The following SCAI variants were observed in gnomAD, a reference collection of about 807,000 sequenced individuals.
SCAI encodes the protein protein SCAI.
Under a neutral mutation model 92.2 loss-of-function variants are expected in SCAI, and 24 were observed. The observed-to-expected ratio is 0.26, with a 90% CI of 0.19 to 0.37. SCAI has a LOEUF of 0.37. Ranked by LOEUF, SCAI falls within the 10% of genes least tolerant of loss-of-function variation. SCAI has a pLI of 1.00. For synonymous variants in SCAI, 261 were observed against 258.6 expected, an observed-to-expected ratio of 1.01 and a Z score of -0.09; for missense variants, 450 against 736.2, an observed-to-expected ratio of 0.61 and a Z score of 4.50.
chr9:125,012,472 G>C (rs190278426), intron 9 of SCAI, among the ~76,000 whole-genome samples: 1 of 152,284 alleles, frequency 6.6e-6, no homozygotes, highest in East Asian at 1.9e-4. Flanking sequence ...GATTCAACAA[G>C]AGCTAACTAG....
chr9:125,094,291 A>T (rs1834501795), intron 2 of SCAI, among the ~76,000 whole-genome samples: 1 of 152,008 alleles, frequency 6.6e-6, no homozygotes, highest in South Asian at 2.1e-4. Flanking sequence ...ATTCTCATTC[A>T]TTCTAGCCAC....
At chr9:125,010,145 C>G (rs1309419493) in intron 9 of SCAI, among the ~76,000 whole-genome samples, 1 of 152,194 alleles carries the variant, frequency 6.6e-6, no homozygotes, top group Non-Finnish European at 1.5e-5. Flanking sequence ...ATCTGAGGTA[C>G]CGGGTTCATC....
intron 14 of SCAI, among the ~76,000 whole-genome samples, chr9:124,994,249 G>C (rs1017718947): frequency 3.3e-5 from 5 of 152,032 alleles, no homozygotes; most frequent in African/African-American, 1.2e-4. Context: ...TGGTTAGGCT[G>C]GTCTCGAACT....
intron 4 of SCAI, among the ~76,000 whole-genome samples, 189 bp from the exon 5 acceptor site, chr9:125,028,667 A>G (rs1051018685): frequency 1.3e-5 from 2 of 148,958 alleles, no homozygotes; most frequent in Non-Finnish European, 2.9e-5. Context: ...AAGTTGAAAT[A>G]TAAAAAGAAA....
intron 17 of SCAI, among the ~76,000 whole-genome samples, chr9:124,957,087 G>C (rs1023849476): frequency 6.6e-6 from 1 of 151,734 alleles, no homozygotes; most frequent in African/African-American, 2.4e-5. Flanking sequence ...GACCTCCCAG[G>C]CTCAAGTGAT....
At chr9:125,008,435 T>G (rs1832560672) in intron 9 of SCAI, among the ~76,000 whole-genome samples, 1 of 152,194 alleles carries the variant, frequency 6.6e-6, no homozygotes, top group South Asian at 2.1e-4. Flanking sequence ...CTGCCTGGCC[T>G]GATATTTGTA....
At chr9:125,036,033 C>G (rs1833189206) in intron 3 of SCAI, among the ~76,000 whole-genome samples, 1 of 152,126 alleles carries the variant, frequency 6.6e-6, no homozygotes, top group African/African-American at 2.4e-5. Context: ...GCTTGTAGTC[C>G]CAGCTACTAT....
In SCAI at chr9:125,142,660, T is replaced by G. The variant is rs1409119056; in HGVS notation, c.71A>C (p.Glu24Ala). 1 of 1,613,902 alleles carries G rather than the reference T, an allele frequency of 6.2e-7. No individual in the cohort carries two copies. The highest frequency in any genetic ancestry group is 1.7e-5 in the Admixed American group (1 of 60,022). ...GCTTCTCCGTTTTCGAGGCGGTTTC[T>G]CCACTGTGCCAGTCAGTCTGCAGAC... ...RLAPRLTGTV[E>A]KPPRKRRSRT... Residue 24 changes from glutamate (E) to alanine (A), a missense_variant, in exon 2 of 18, where the codon GAG becomes GCG. Transcript: ENST00000336505.
chr9:125,089,724 A>G (rs1359243521), intron 2 of SCAI, among the ~76,000 whole-genome samples: 2 of 152,074 alleles, frequency 1.3e-5, no homozygotes, highest in African/African-American at 2.4e-5. Flanking sequence ...TTTAAGAGAA[A>G]GACAGGGTCT....
intron 14 of SCAI, among the ~76,000 whole-genome samples, chr9:124,981,495 T>C (rs899349447): frequency 1.3e-5 from 2 of 152,206 alleles, no homozygotes; most frequent in Non-Finnish European, 2.9e-5. Context: ...TTAGTGTTTC[T>C]CTAAGTACAA....
At chr9:125,141,476 C>T (rs1835664764) in intron 2 of SCAI, among the ~76,000 whole-genome samples, 1 of 152,174 alleles carries the variant, frequency 6.6e-6, no homozygotes, top group Non-Finnish European at 1.5e-5. Flanking sequence ...TATGTAGTAC[C>T]TCTCACATGG....
At chr9:125,070,690 C>A (rs1016099457) in intron 2 of SCAI, among the ~76,000 whole-genome samples, 6 of 152,154 alleles carry the variant, frequency 3.9e-5, no homozygotes, top group Non-Finnish European at 2.9e-5. Context: ...TGAGCCACCA[C>A]ACCAGGCCAA....
intron 2 of SCAI, among the ~76,000 whole-genome samples, chr9:125,066,460 A>ATT (rs372205559): frequency 0.17 from 23,279 of 138,214 alleles, 2,006 homozygotes; most frequent in East Asian, 0.25. Context: ...TTATTTATTT[A>ATT]TTTATTTTTT....
intron 15 of SCAI, 26 bp from the exon 16 acceptor site, chr9:124,971,870 A>T (rs1033113102): frequency 1.5e-5 from 22 of 1,466,714 alleles, no homozygotes; most frequent in African/African-American, 4.3e-5. Flanking sequence ...TGTTATATAT[A>T]TAGACAATAG....
At chr9:125,123,617 T>C (rs1292311320) in intron 2 of SCAI, among the ~76,000 whole-genome samples, 1 of 151,828 alleles carries the variant, frequency 6.6e-6, no homozygotes, top group Admixed American at 6.6e-5. Flanking sequence ...CTACTAAAAA[T>C]ACAAAAAATT....
At chr9:125,122,369 C>CTG (rs1835172407) in intron 2 of SCAI, among the ~76,000 whole-genome samples, 1 of 146,534 alleles carries the variant, frequency 6.8e-6, no homozygotes. Flanking sequence ...GGCGGGTGGA[C>CTG]CACGAGGTCA....
intron 14 of SCAI, among the ~76,000 whole-genome samples, chr9:124,991,769 G>A (rs1024267807): frequency 6.7e-4 from 102 of 152,024 alleles, no homozygotes; most frequent in Non-Finnish European, 2.4e-4. Context: ...CCCAGGAAGC[G>A]GAGGTTTCAG....
At chr9:125,031,839 T>C (rs1833079730) in intron 3 of SCAI, among the ~76,000 whole-genome samples, 1 of 152,086 alleles carries the variant, frequency 6.6e-6, no homozygotes, top group South Asian at 2.1e-4. Context: ...ATTTCAAACA[T>C]ACACAAAAGT....
At chr9:125,014,629 G>A (rs1832711734) in intron 9 of SCAI, among the ~76,000 whole-genome samples, 1 of 152,114 alleles carries the variant, frequency 6.6e-6, no homozygotes, top group South Asian at 2.1e-4. Context: ...TAGATTCAAT[G>A]CCATCCCCAT....
Sources: allele counts gnomAD v4.1 joint callset (sites outside exome capture counted in the v4.1 genomes callset), GRCh38; gene constraint gnomAD v4.1.1; transcripts MANE v1.5; gene names NCBI Gene and HGNC (gene_info 2026-07-23, HGNC 2026-07-21).